PLCL2: variants seen among roughly 807,000 people sequenced by gnomAD.
PLCL2 encodes the protein inactive phospholipase C-like protein 2.
A neutral mutation model predicts 79.6 loss-of-function variants in PLCL2; 4 were observed. That is an observed-to-expected ratio of 0.05 (90% CI 0.02 to 0.11). The LOEUF is 0.11. Among genes scored for constraint, PLCL2 ranks in the 10% least tolerant of loss-of-function variants. The pLI is 1.00. For synonymous variants in PLCL2, 484 were observed against 457.7 expected, an observed-to-expected ratio of 1.06 and a Z score of -0.73; for missense variants, 895 against 1,291.0, an observed-to-expected ratio of 0.69 and a Z score of 4.70.
intron 1 of PLCL2, among the ~76,000 whole-genome samples, chr3:16,995,836 A>G (rs1425335932): frequency 6.6e-6 from 1 of 152,228 alleles, no homozygotes; most frequent in East Asian, 1.9e-4. Context: ...GCTTCTTAAA[A>G]GTGTATACTC....
chr3:16,931,474 A>AT (rs1697391442), intron 1 of PLCL2, among the ~76,000 whole-genome samples: 1 of 152,184 alleles, frequency 6.6e-6, no homozygotes, highest in South Asian at 2.1e-4. Flanking sequence ...TATAAAAACA[A>AT]TTTAAATAGA....
chr3:16,966,803 G>T (rs551641391), intron 1 of PLCL2, among the ~76,000 whole-genome samples: 21 of 152,024 alleles, frequency 1.4e-4, no homozygotes, highest in East Asian at 5.8e-4. Context: ...GTTTGCAAAT[G>T]ATTTTTTTTA....
chr3:16,979,251 A>G (rs1407151835), intron 1 of PLCL2, among the ~76,000 whole-genome samples: 1 of 151,902 alleles, frequency 6.6e-6, no homozygotes, highest in Non-Finnish European at 1.5e-5. Flanking sequence ...TGTTCCCTTC[A>G]TCCCCCAGGG....
chr3:17,047,686 T>C (rs1179738039), intron 4 of PLCL2, among the ~76,000 whole-genome samples: 1 of 152,200 alleles, frequency 6.6e-6, no homozygotes, highest in Non-Finnish European at 1.5e-5. Context: ...AATTTGAACA[T>C]TTGTTTTAAA....
intron 1 of PLCL2, among the ~76,000 whole-genome samples, chr3:16,964,085 C>A (rs2063781449): frequency 6.6e-6 from 1 of 151,908 alleles, no homozygotes; most frequent in Non-Finnish European, 1.5e-5. Flanking sequence ...AGGTTTGTTA[C>A]ATATGTATGC....
intron 1 of PLCL2, among the ~76,000 whole-genome samples, chr3:16,931,447 C>T (rs550134890): frequency 5.9e-5 from 9 of 152,244 alleles, no homozygotes; most frequent in South Asian, 2.1e-4. Context: ...AAAAAAAGCA[C>T]GTAAATGTTC....
rs1010361406 is a variant in PLCL2 at position 16,887,127 on chromosome 3, C to T, written c.327+1761C>T. 4.6e-5 allele frequency among the ~76,000 whole-genome samples: 7 copies of T among 152,158 alleles called. No individual in the cohort carries two copies. The highest frequency in any genetic ancestry group is 8.8e-5 in the Non-Finnish European group (6 of 68,014). ...GGGAACTTGTCAATAGATACCATTT[C>T]TTAATTGAAGGCTCTAGAAGCACAT... On this transcript the variant is annotated intron_variant, in intron 1 of 5. Coordinates refer to ENST00000615277, the MANE Select transcript of PLCL2 (RefSeq NM_001144382.2). This position sits in a 1 kb window ranked among gnomAD's most constrained non-coding sequence, Gnocchi z 4.1.
intron 1 of PLCL2, among the ~76,000 whole-genome samples, chr3:16,920,967 T>G (rs1697112851): frequency 6.6e-6 from 1 of 152,208 alleles, no homozygotes; most frequent in Non-Finnish European, 1.5e-5. Flanking sequence ...CAATGAAAGT[T>G]TGAATTAGGA....
At chr3:17,080,959 A>C (rs546574212) in intron 5 of PLCL2, among the ~76,000 whole-genome samples, 1 of 152,376 alleles carries the variant, frequency 6.6e-6, no homozygotes, top group East Asian at 1.9e-4. Flanking sequence ...GTGGCCTCAC[A>C]GTTTAGTTTA....
rs79230008 is a variant in PLCL2 at position 16,891,943 on chromosome 3, A to G, written c.327+6577A>G. 3.4e-3 allele frequency among the ~76,000 whole-genome samples: 525 copies of G among 152,344 alleles called. 3 individuals are homozygous for G. The highest frequency in any genetic ancestry group is 0.011 in the African/African-American group (454 of 41,580). ...AGAATGAATTATTTCTCTGTCTTCC[A>G]GCCACCACTCTCCCTGTATCTCCAT... On this transcript the variant is annotated intron_variant, in intron 1 of 5. Transcript: ENST00000615277.
At chr3:17,021,590 A>G (rs1488218707) in intron 3 of PLCL2, among the ~76,000 whole-genome samples, 1 of 98,034 alleles carries the variant, frequency 1.0e-5, no homozygotes, top group Non-Finnish European at 2.0e-5. Context: ...TTCTTAAAGT[A>G]TTCTTACACA....
At chr3:17,014,313 A>G (rs1354748277) in intron 2 of PLCL2, among the ~76,000 whole-genome samples, 1 of 152,046 alleles carries the variant, frequency 6.6e-6, no homozygotes, top group African/African-American at 2.4e-5. Context: ...CATATTTGAT[A>G]CTTATTTTAA....
intron 1 of PLCL2, among the ~76,000 whole-genome samples, chr3:17,003,179 T>C (rs2064227402): frequency 6.6e-6 from 1 of 152,216 alleles, no homozygotes; most frequent in Non-Finnish European, 1.5e-5. Context: ...TTTTTTGGTA[T>C]GACCTGCAAT....
At chr3:17,036,259 T>C (rs924624108) in intron 3 of PLCL2, among the ~76,000 whole-genome samples, 2 of 152,206 alleles carry the variant, frequency 1.3e-5, no homozygotes, top group Non-Finnish European at 2.9e-5. Context: ...GCCAAAGACC[T>C]CTACAGCAAT....
chr3:16,966,761 C>T (rs895668756), intron 1 of PLCL2, among the ~76,000 whole-genome samples: 7 of 151,958 alleles, frequency 4.6e-5, no homozygotes, highest in Admixed American at 4.6e-4. Flanking sequence ...TGTATGTGTC[C>T]AGGAATTTAT....
intron 1 of PLCL2, among the ~76,000 whole-genome samples, chr3:16,974,110 G>T (rs2063899979): frequency 6.6e-6 from 1 of 152,190 alleles, no homozygotes; most frequent in African/African-American, 2.4e-5. Context: ...GTATCAGGGA[G>T]AGTGGTGGGG....
At chr3:16,951,368 C>T (rs551025946) in intron 1 of PLCL2, among the ~76,000 whole-genome samples, 3 of 151,914 alleles carry the variant, frequency 2.0e-5, no homozygotes, top group South Asian at 2.1e-4. Flanking sequence ...TTTTAACATA[C>T]TATCTGAATT....
Position 16,940,852 on chromosome 3 carries a change from G to A in PLCL2, c.327+55486G>A, listed in dbSNP as rs571682254. Among the ~76,000 whole-genome samples the A allele has an allele frequency of 2.6e-5, 4 of 152,242 alleles. No homozygotes were observed. In the South Asian group the frequency reaches 6.2e-4, roughly 24 times the overall value. On this transcript the variant is annotated intron_variant, in intron 1 of 5. Transcript: ENST00000615277. ...TCATAAATTGTCCAATGCATTTAGC[G>A]TGGTGCCAGCCCACAGGAAGTGCTT...
rs142226126 is a variant in PLCL2, at chr3:16,920,222, A to G, written c.327+34856A>G. Among the ~76,000 whole-genome samples the G allele has an allele frequency of 6.1e-3, 927 of 152,266 alleles. 13 individuals are homozygous for G. Among genetic ancestry groups the G allele is most frequent in the Non-Finnish European group, 8.1e-3 (554 of 68,004 alleles). ...AGGTACTTGAGTCACTTGATCATGG[A>G]TTCCAGATTCTGGAACAGCCTCTTT... is the stretch of plus-strand genomic sequence containing the variant. On this transcript the variant is annotated intron_variant, in intron 1 of 5. Transcript: ENST00000615277.
Sources: allele counts gnomAD v4.1 joint callset (sites outside exome capture counted in the v4.1 genomes callset), GRCh38; gene constraint gnomAD v4.1.1; non-coding constraint Gnocchi (gnomAD v3.1); transcripts MANE v1.5; gene names NCBI Gene and HGNC (gene_info 2026-07-23, HGNC 2026-07-21).